Variants in C12orf42 observed in about 807,000 individuals in gnomAD.
The protein encoded by C12orf42 is uncharacterized protein C12orf42.
In C12orf42, 25 loss-of-function variants were observed where a neutral mutation model predicts 21.6. That is an observed-to-expected ratio of 1.16 (90% CI 0.84 to 1.62). The LOEUF is 1.62. Among genes scored for constraint, C12orf42 ranks in the 40% most tolerant of loss-of-function variants. C12orf42 has a pLI of 0.00. For synonymous variants in C12orf42, 174 were observed against 175.0 expected (o/e 0.99, Z 0.05); for missense variants, 483 against 459.3 (o/e 1.05, Z -0.47).
intron 10 of C12orf42, among the ~76,000 whole-genome samples, chr12:103,240,214 A>G (rs2033667021): frequency 6.6e-6 from 1 of 152,196 alleles, no homozygotes; most frequent in African/African-American, 2.4e-5. Context: ...CAGTAACTCT[A>G]TGAGTCAATC....
chr12:103,292,734 CAATTTT>C (rs2036903854), intron 4 of C12orf42, among the ~76,000 whole-genome samples: 1 of 152,052 alleles, frequency 6.6e-6, no homozygotes, highest in Admixed American at 6.6e-5. Context: ...ATCTCCATTT[CAATTTT>C]AAAGTATTCA....
At chr12:103,064,944 C>T in the C12orf42 span, among the ~76,000 whole-genome samples, 3 of 152,166 alleles carry the variant, frequency 2.0e-5, no homozygotes, top group Non-Finnish European at 4.4e-5. Flanking sequence ...GTGGTCATTT[C>T]CTTAGTGCAA....
chr12:103,530,293 T>G, the C12orf42 span, among the ~76,000 whole-genome samples: 1 of 152,234 alleles, frequency 6.6e-6, no homozygotes, highest in African/African-American at 2.4e-5. Flanking sequence ...GGCTGACTTA[T>G]GAAGAGCGTG....
the C12orf42 span, among the ~76,000 whole-genome samples, chr12:103,513,182 G>A: frequency 6.6e-6 from 1 of 152,060 alleles, no homozygotes; most frequent in Non-Finnish European, 1.5e-5. Context: ...ATGGTTCAGA[G>A]AAGGACCTGT....
At chr12:103,215,255 C>T in the C12orf42 span, among the ~76,000 whole-genome samples, 1 of 151,762 alleles carries the variant, frequency 6.6e-6, no homozygotes, top group Non-Finnish European at 1.5e-5. Flanking sequence ...GACACTGATA[C>T]TAATAATAAT....
the C12orf42 span, among the ~76,000 whole-genome samples, chr12:103,524,379 C>T: frequency 6.6e-6 from 1 of 152,142 alleles, no homozygotes; most frequent in African/African-American, 2.4e-5. Context: ...CCTTGAGGCA[C>T]ACAGAGGTGG....
At chr12:103,506,843 ATAT>A in the C12orf42 span, among the ~76,000 whole-genome samples, 4 of 81,990 alleles carry the variant, frequency 4.9e-5, 1 homozygote, top group South Asian at 2.2e-3. Flanking sequence ...TATTATATAT[ATAT>A]ATATTTATAT....
intron 4 of C12orf42, among the ~76,000 whole-genome samples, chr12:103,284,087 G>T (rs1002796962): frequency 6.6e-6 from 1 of 152,128 alleles, no homozygotes; most frequent in African/African-American, 2.4e-5. Context: ...CTTATCCCAA[G>T]TTCTACTACA....
downstream of C12orf42, among the ~76,000 whole-genome samples, chr12:103,265,799 CTGTTTTGTTTTGTTTTGTTT>C (rs3063704): frequency 1.1e-4 from 17 of 150,172 alleles, no homozygotes; most frequent in South Asian, 4.3e-4. Context: ...ATTTCTTAGG[CTGTTTTGTTTTGTTTTGTTT>C]TGTTTTGTTT....
chr12:103,228,474 T>C, the C12orf42 span, among the ~76,000 whole-genome samples: 1 of 152,100 alleles, frequency 6.6e-6, no homozygotes, highest in African/African-American at 2.4e-5. Flanking sequence ...TTTGTGATTC[T>C]TCAGTTACTT....
At chr12:103,507,518 A>T in the C12orf42 span, among the ~76,000 whole-genome samples, 2 of 148,500 alleles carry the variant, frequency 1.3e-5, no homozygotes, top group Non-Finnish European at 3.0e-5. Flanking sequence ...AAAAAAAAAA[A>T]TTGTTTTTTA....
At chr12:103,540,090 C>T in the C12orf42 span, among the ~76,000 whole-genome samples, 1 of 151,966 alleles carries the variant, frequency 6.6e-6, no homozygotes, top group Admixed American at 6.5e-5. Context: ...TCACTGCAAC[C>T]TCTGCCTCCT....
the C12orf42 span, among the ~76,000 whole-genome samples, chr12:103,506,596 G>A: frequency 6.6e-6 from 1 of 151,018 alleles, no homozygotes; most frequent in Non-Finnish European, 1.5e-5. Flanking sequence ...TAGCCTAGGA[G>A]CAATAGGCTA....
intron 2 of C12orf42, among the ~76,000 whole-genome samples, chr12:103,458,851 T>C (rs912191906): frequency 6.6e-6 from 1 of 152,028 alleles, no homozygotes; most frequent in East Asian, 1.9e-4. Context: ...TTAGGAGAAT[T>C]TGTCCCATTT....
At chr12:103,269,392 C>G (rs986011623) in intron 6 of C12orf42, among the ~76,000 whole-genome samples, 1 of 152,110 alleles carries the variant, frequency 6.6e-6, no homozygotes, top group Admixed American at 6.6e-5. Flanking sequence ...ATCGCATTGA[C>G]AGGGCCATAC....
the C12orf42 span, among the ~76,000 whole-genome samples, chr12:103,205,235 A>G: frequency 6.6e-6 from 1 of 152,232 alleles, no homozygotes; most frequent in African/African-American, 2.4e-5. Context: ...TAGCCCGAGT[A>G]CTAGTTCGTT....
At chr12:103,053,527 TA>T in the C12orf42 span, among the ~76,000 whole-genome samples, 1 of 152,108 alleles carries the variant, frequency 6.6e-6, no homozygotes, top group East Asian at 1.9e-4. Context: ...GGTTTACAAA[TA>T]TTTTCTCCTG....
At chr12:103,217,449 A>G in the C12orf42 span, among the ~76,000 whole-genome samples, 6 of 150,896 alleles carry the variant, frequency 4.0e-5, no homozygotes, top group Non-Finnish European at 8.8e-5. Context: ...GGATCCCTTG[A>G]GCCTCAGAGG....
the C12orf42 span, among the ~76,000 whole-genome samples, chr12:103,177,007 A>G: frequency 1.3e-5 from 2 of 152,170 alleles, no homozygotes; most frequent in Admixed American, 1.3e-4. Context: ...CCCTTGCTCC[A>G]TTTTAATTCA....
Sources: gnomAD v4.1 joint callset for allele counts (sites outside exome capture counted in the v4.1 genomes callset) on GRCh38, gnomAD v4.1.1 for gene constraint, MANE v1.5 for transcripts, NCBI Gene and HGNC (gene_info 2026-07-23, HGNC 2026-07-21) for gene names.